The following HDAC9 variants were observed in gnomAD, a reference collection of about 807,000 sequenced individuals.
HDAC9 encodes MEF-2 interacting transcription repressor (MITR) protein.
In HDAC9, 41 loss-of-function variants were observed where a neutral mutation model predicts 139.4. The ratio of observed to expected loss-of-function variants is 0.29; its 90% confidence interval spans 0.23 to 0.38. The LOEUF (loss-of-function observed/expected upper bound fraction) is 0.38. Among genes scored for constraint, HDAC9 ranks in the 10% least tolerant of loss-of-function variants. HDAC9 has a pLI of 1.00. For synonymous variants in HDAC9, 517 were observed against 476.2 expected (o/e 1.09, Z -1.12); for missense variants, 1,147 against 1,297.0 (o/e 0.88, Z 1.78).
chr7:18,260,881 AC>A (rs1459826849), intron 2 of HDAC9, among the ~76,000 whole-genome samples: 4 of 152,172 alleles, frequency 2.6e-5, no homozygotes, highest in African/African-American at 9.7e-5. Context: ...TCAAGCTCTT[AC>A]TTTAGAAGTC....
intron 21 of HDAC9, among the ~76,000 whole-genome samples, chr7:18,849,885 T>A (rs1248998331): frequency 6.6e-6 from 1 of 152,082 alleles, no homozygotes; most frequent in East Asian, 1.9e-4. Flanking sequence ...TGCCATTTTG[T>A]TTCCAAAGAT....
chr7:18,682,125 A>G (rs1006948789), intron 12 of HDAC9, among the ~76,000 whole-genome samples: 1 of 152,114 alleles, frequency 6.6e-6, no homozygotes, highest in Non-Finnish European at 1.5e-5. Context: ...CATTCACAAT[A>G]CAGACATTTA....
chr7:18,291,874 T>C (rs1453284911), intron 1 of HDAC9, among the ~76,000 whole-genome samples: 2 of 152,026 alleles, frequency 1.3e-5, no homozygotes, highest in Non-Finnish European at 2.9e-5. Flanking sequence ...AAAGACCCTG[T>C]CATGGGCTTC....
At chr7:18,394,477 C>T (rs1786840303) in intron 1 of HDAC9, among the ~76,000 whole-genome samples, 1 of 152,084 alleles carries the variant, frequency 6.6e-6, no homozygotes, top group Non-Finnish European at 1.5e-5. Context: ...TGAATTTTGA[C>T]TCTTAAACAG....
At chr7:18,969,794 A>G (rs1784131262) in intron 24 of HDAC9, among the ~76,000 whole-genome samples, 1 of 152,200 alleles carries the variant, frequency 6.6e-6, no homozygotes. Context: ...CAGCATCTGA[A>G]TTTGGTAAAA....
At chr7:18,320,738 A>T (rs1799966382) in intron 1 of HDAC9, among the ~76,000 whole-genome samples, 1 of 152,046 alleles carries the variant, frequency 6.6e-6, no homozygotes, top group South Asian at 2.1e-4. Context: ...ATTTCCTCCC[A>T]CTTTGTTTCT....
chr7:18,279,613 C>G (rs555784307), intron 2 of HDAC9, among the ~76,000 whole-genome samples: 16 of 151,866 alleles, frequency 1.1e-4, no homozygotes, highest in African/African-American at 3.6e-4. Flanking sequence ...CTACAGGCGC[C>G]CGCCACCACA....
chr7:18,681,449 A>G (rs1327506348), intron 12 of HDAC9, among the ~76,000 whole-genome samples: 4 of 151,936 alleles, frequency 2.6e-5, no homozygotes, highest in African/African-American at 9.7e-5. Context: ...TTATTATTAT[A>G]TTTCTTTAGT....
At chr7:18,195,837 C>T (rs774739268) in intron 2 of HDAC9, among the ~76,000 whole-genome samples, 1 of 152,062 alleles carries the variant, frequency 6.6e-6, no homozygotes, top group Non-Finnish European at 1.5e-5. Context: ...TTCATCATAA[C>T]GTGAACACAT....
chr7:18,972,803 G>A (rs1389669202), intron 24 of HDAC9, among the ~76,000 whole-genome samples: 1 of 152,184 alleles, frequency 6.6e-6, no homozygotes, highest in African/African-American at 2.4e-5. Flanking sequence ...TAAGAGTAGA[G>A]TGAACTAGTT....
chr7:18,683,438 A>G (rs573625074), intron 12 of HDAC9, among the ~76,000 whole-genome samples: 1 of 152,116 alleles, frequency 6.6e-6, no homozygotes, highest in Admixed American at 6.5e-5. Context: ...TTTCCATTAA[A>G]CATCGCTACT....
At chr7:18,503,997 T>A (rs939473473) in intron 2 of HDAC9, among the ~76,000 whole-genome samples, 3 of 151,952 alleles carry the variant, frequency 2.0e-5, no homozygotes, top group African/African-American at 7.3e-5. Flanking sequence ...TTTCACTGAG[T>A]TTTCATTAAA....
intron 6 of HDAC9, among the ~76,000 whole-genome samples, chr7:18,608,969 C>A (rs1210173544): frequency 6.6e-6 from 1 of 151,968 alleles, no homozygotes; most frequent in Non-Finnish European, 1.5e-5. Context: ...CCAAGCCACC[C>A]GAGGAATATA....
At chr7:18,420,349 G>A (rs1161313169) in intron 1 of HDAC9, among the ~76,000 whole-genome samples, 1 of 152,128 alleles carries the variant, frequency 6.6e-6, no homozygotes, top group African/African-American at 2.4e-5. Flanking sequence ...TAGAGGTAAC[G>A]ATATCAAAGT....
chr7:18,772,884 G>A (rs540305349), intron 16 of HDAC9, among the ~76,000 whole-genome samples: 7 of 152,130 alleles, frequency 4.6e-5, no homozygotes, highest in Middle Eastern at 3.4e-3. Flanking sequence ...TAAAGTCAGG[G>A]AATTCCTTCT....
chr7:18,412,741 A>G (rs886366527), intron 1 of HDAC9, among the ~76,000 whole-genome samples: 3 of 152,242 alleles, frequency 2.0e-5, no homozygotes, highest in African/African-American at 7.2e-5. Context: ...AGGGACTCAT[A>G]TCTCCAGTTT....
chr7:18,714,254 C>G lies in HDAC9; in HGVS notation c.1732-13326C>G, dbSNP rs1379793607. ...AGCAAGGTGTGTGAAGATTAAGTTG[C>G]CTACTCTACGCAAAACATAGGTTAT... On this transcript the variant is annotated intron_variant, in intron 12 of 25. Transcript: ENST00000686413. Among the ~76,000 whole-genome samples, 87 of 152,128 alleles carry G rather than the reference C, an allele frequency of 5.7e-4. 1 individual carries two copies. The highest frequency in any genetic ancestry group is 5.6e-3 in the Admixed American group (86 of 15,260).
chr7:18,323,019 T>A (rs185850550), intron 1 of HDAC9, among the ~76,000 whole-genome samples: 30 of 152,234 alleles, frequency 2.0e-4, no homozygotes, highest in African/African-American at 7.2e-4. Context: ...GGATGCCATT[T>A]TAAATAATGT....
intron 22 of HDAC9, among the ~76,000 whole-genome samples, chr7:18,882,785 TG>T (rs1410880139): frequency 6.6e-6 from 1 of 152,270 alleles, no homozygotes; most frequent in Non-Finnish European, 1.5e-5. Context: ...AGTGAAAGTC[TG>T]GGTGTTTAGA....
Sources: allele counts gnomAD v4.1 joint callset (sites outside exome capture counted in the v4.1 genomes callset), GRCh38; gene constraint gnomAD v4.1.1; transcripts MANE v1.5; gene names NCBI Gene and HGNC (gene_info 2026-07-23, HGNC 2026-07-21).